Variants in MAGI2 observed in about 807,000 individuals in gnomAD.
The protein encoded by MAGI2 is membrane associated guanylate kinase, WW and PDZ domain containing 2.
In MAGI2, 35 loss-of-function variants were observed where a neutral mutation model predicts 133.3. That is an observed-to-expected ratio of 0.26 (90% confidence interval 0.20 to 0.35). The LOEUF (loss-of-function observed/expected upper bound fraction) is 0.35. Ranked by LOEUF, MAGI2 falls within the 10% of genes least tolerant of loss-of-function variation. The pLI, the probability that MAGI2 is intolerant of heterozygous loss-of-function variation, is 1.00. For synonymous variants in MAGI2, 729 were observed against 710.6 expected, an observed-to-expected ratio of 1.03 and a Z score of -0.41; for missense variants, 1,636 against 1,863.4, an observed-to-expected ratio of 0.88 and a Z score of 2.25.
At chr7:79,342,373 A>G (rs1290698278) in intron 1 of MAGI2, among the ~76,000 whole-genome samples, 2 of 152,222 alleles carry the variant, frequency 1.3e-5, no homozygotes, top group Non-Finnish European at 2.9e-5. Context: ...CATTGAACAA[A>G]GTGCATCTTT....
chr7:79,085,383 T>G (rs888567465), intron 1 of MAGI2, among the ~76,000 whole-genome samples: 3 of 151,826 alleles, frequency 2.0e-5, no homozygotes, highest in Non-Finnish European at 2.9e-5. Flanking sequence ...ACATTATTTT[T>G]GTAATTTCTT....
intron 9 of MAGI2, among the ~76,000 whole-genome samples, chr7:78,258,579 A>G (rs1015835371): frequency 1.3e-5 from 2 of 152,102 alleles, no homozygotes; most frequent in Non-Finnish European, 2.9e-5. Context: ...TACCTTTATA[A>G]TTTATATCAT....
At chr7:78,049,110 A>C (rs1164601126) in intron 21 of MAGI2, among the ~76,000 whole-genome samples, 1 of 35,036 alleles carries the variant, frequency 2.9e-5, no homozygotes, top group African/African-American at 5.8e-5. Flanking sequence ...TCCACCTCAA[A>C]AAAAAAAAAA....
chr7:79,339,945 T>C (rs1226703765), intron 1 of MAGI2, among the ~76,000 whole-genome samples: 2 of 152,136 alleles, frequency 1.3e-5, no homozygotes, highest in Non-Finnish European at 2.9e-5. Flanking sequence ...TTCGTATCAA[T>C]TTGCTAGAAT....
chr7:78,848,106 C>A (rs1187294265), intron 2 of MAGI2, among the ~76,000 whole-genome samples: 7 of 151,840 alleles, frequency 4.6e-5, no homozygotes, highest in Non-Finnish European at 7.4e-5. Flanking sequence ...ACCTCTCCCC[C>A]TGAACTCTCT....
chr7:78,107,593 T>C (rs1327185185), intron 20 of MAGI2, among the ~76,000 whole-genome samples: 1 of 152,096 alleles, frequency 6.6e-6, no homozygotes, highest in East Asian at 1.9e-4. Flanking sequence ...CATTTTATTT[T>C]ATTTGAAGCT....
chr7:78,838,952 T>C (rs1238437292), intron 2 of MAGI2, among the ~76,000 whole-genome samples: 1 of 152,120 alleles, frequency 6.6e-6, no homozygotes, highest in Non-Finnish European at 1.5e-5. Flanking sequence ...ATTCCAACTA[T>C]ATTGTTAGCA....
At position 78,990,707 on chromosome 7, in the gene MAGI2, T is replaced by C. The variant is rs1805674314; in HGVS notation, c.418+16383A>G. ...GATAAAATAATAATAGAAAGGTACA[T>C]TGATATGAGATAAACAGATATAAAT... On this transcript the variant is annotated intron_variant, in intron 2 of 21. Transcript: ENST00000354212. Among the ~76,000 whole-genome samples, 6 of 152,038 alleles carry C rather than the reference T, an allele frequency of 3.9e-5. No homozygotes were observed. In the South Asian group the frequency reaches 1.2e-3, roughly 31 times the overall value.
chr7:78,384,727 A>C (rs1795226918), intron 6 of MAGI2, among the ~76,000 whole-genome samples: 1 of 152,160 alleles, frequency 6.6e-6, no homozygotes, highest in Non-Finnish European at 1.5e-5. Context: ...GGATTTAAAA[A>C]AATGAAATTT....
intron 21 of MAGI2, among the ~76,000 whole-genome samples, chr7:78,037,816 T>G (rs1165091007): frequency 6.6e-6 from 1 of 152,186 alleles, no homozygotes; most frequent in Non-Finnish European, 1.5e-5. Flanking sequence ...ATCTCAGAGC[T>G]GAGGGGAGAG....
chr7:79,373,282 T>G (rs865990952), intron 1 of MAGI2, among the ~76,000 whole-genome samples: 4 of 151,994 alleles, frequency 2.6e-5, no homozygotes, highest in African/African-American at 9.7e-5. Flanking sequence ...TGAATAAAGA[T>G]TAATTAAAAT....
At chr7:78,459,565 A>G (rs10270420) in intron 6 of MAGI2, among the ~76,000 whole-genome samples, 34,221 of 152,110 alleles carry the variant, frequency 0.22, 3,902 homozygotes, top group Middle Eastern at 0.27. Flanking sequence ...ATATTCCTCC[A>G]TTTTCTTGTT....
intron 6 of MAGI2, among the ~76,000 whole-genome samples, chr7:78,376,329 G>A (rs1249908251): frequency 6.6e-6 from 1 of 152,038 alleles, no homozygotes; most frequent in Non-Finnish European, 1.5e-5. Context: ...CTACATGGGA[G>A]CACAAACCCA....
At chr7:79,386,085 A>G (rs547381252) in intron 1 of MAGI2, among the ~76,000 whole-genome samples, 1 of 147,970 alleles carries the variant, frequency 6.8e-6, no homozygotes, top group African/African-American at 2.6e-5. Context: ...ATAATAAAAA[A>G]TTTTAATATA....
intron 1 of MAGI2, among the ~76,000 whole-genome samples, chr7:79,294,924 G>A (rs1471073171): frequency 6.7e-6 from 1 of 149,788 alleles, no homozygotes; most frequent in Non-Finnish European, 1.5e-5. Flanking sequence ...TTTTTTAGTA[G>A]AGACGGGGTT....
At chr7:79,218,037 C>A in intron 1 of MAGI2, among the ~76,000 whole-genome samples, 1 of 151,924 alleles carries the variant, frequency 6.6e-6, no homozygotes, top group East Asian at 1.9e-4. Context: ...AGGTTCATAA[C>A]TGCTGACAGA....
chr7:79,194,671 C>G (rs1432360862), intron 1 of MAGI2, among the ~76,000 whole-genome samples: 1 of 151,662 alleles, frequency 6.6e-6, no homozygotes. Flanking sequence ...AAAAAGTAAG[C>G]ATTTCACAGA....
At chr7:78,344,485 A>T (rs1790701217) in intron 8 of MAGI2, among the ~76,000 whole-genome samples, 1 of 152,236 alleles carries the variant, frequency 6.6e-6, no homozygotes, top group Non-Finnish European at 1.5e-5. Flanking sequence ...CAGCATGTGC[A>T]ATATCACAAA....
chr7:78,581,884 G>T (rs1226619587), intron 3 of MAGI2, among the ~76,000 whole-genome samples: 2 of 152,136 alleles, frequency 1.3e-5, no homozygotes, highest in Non-Finnish European at 2.9e-5. Context: ...ACTTAGTAAG[G>T]CCTGTTTGTT....
Sources: allele counts gnomAD v4.1 joint callset (sites outside exome capture counted in the v4.1 genomes callset), GRCh38; gene constraint gnomAD v4.1.1; transcripts MANE v1.5; gene names NCBI Gene and HGNC (gene_info 2026-07-23, HGNC 2026-07-21).